Variants in PTPRN2 observed in about 807,000 individuals in gnomAD.
The protein encoded by PTPRN2 is protein tyrosine phosphatase receptor type N2.
In PTPRN2, 74 loss-of-function variants were observed where a neutral mutation model predicts 118.8. The ratio of observed to expected loss-of-function variants is 0.62; its 90% CI spans 0.52 to 0.76. PTPRN2 has a LOEUF of 0.76. Ranked by LOEUF, PTPRN2 falls within the 30% of genes least tolerant of loss-of-function variation. The probability of loss-of-function intolerance (pLI) is 0.00; values close to 1 mark genes in which losing one functional copy is unlikely to be tolerated. For synonymous variants in PTPRN2, 641 were observed against 608.0 expected, an observed-to-expected ratio of 1.05 and a Z score of -0.80; for missense variants, 1,481 against 1,394.4, an observed-to-expected ratio of 1.06 and a Z score of -0.99.
At chr7:158,088,161 G>C (rs368130177) in intron 10 of PTPRN2, among the ~76,000 whole-genome samples, 14 of 27,670 alleles carry the variant, frequency 5.1e-4, no homozygotes, top group Non-Finnish European at 1.6e-3. Context: ...CTTCCCCTGA[G>C]GAAAGAGGGA....
intron 11 of PTPRN2, among the ~76,000 whole-genome samples, chr7:157,921,527 G>A (rs1585019788): frequency 6.6e-6 from 1 of 152,244 alleles, no homozygotes; most frequent in Non-Finnish European, 1.5e-5. Flanking sequence ...TGGAGGTGGG[G>A]CCTTTAAGAG....
chr7:157,939,775 C>T (rs1799932656), intron 11 of PTPRN2, among the ~76,000 whole-genome samples: 1 of 152,154 alleles, frequency 6.6e-6, no homozygotes, highest in Non-Finnish European at 1.5e-5. Context: ...GTTGGTTTTG[C>T]TAGGCCCTTG....
intron 1 of PTPRN2, among the ~76,000 whole-genome samples, chr7:158,573,621 T>G (rs1828164620): frequency 2.0e-5 from 3 of 152,092 alleles, no homozygotes. Context: ...TGGGTCTGAA[T>G]GTCCTTATGT....
rs1053826357 is a variant in PTPRN2, at chr7:158,563,844, G to A, written c.112+23714C>T. 6.6e-6 allele frequency among the ~76,000 whole-genome samples: 1 copy of A among 152,186 alleles called. No individual in the cohort carries two copies. Among genetic ancestry groups the A allele is most frequent in the Admixed American group, 6.5e-5 (1 of 15,278 alleles). The stretch of plus-strand genomic sequence containing the variant: ...TAGGGAATGGTCTTTTCTGTTTATA[G>A]GATCTATGCATAGCATATATTTCTA... On this transcript the variant is annotated intron_variant, in intron 1 of 22. Transcript: ENST00000389418. The surrounding 1 kb of genome is among the most constrained non-coding windows in gnomAD (Gnocchi z 5.1).
At chr7:158,376,489 T>G (rs1385630746) in intron 2 of PTPRN2, among the ~76,000 whole-genome samples, 1,182 of 65,998 alleles carry the variant, frequency 0.018, no homozygotes, top group Middle Eastern at 0.054. Context: ...GGGGGGTCAG[T>G]GGACTCCCCT....
At chr7:158,224,592 T>G (rs1420436548) in intron 3 of PTPRN2, among the ~76,000 whole-genome samples, 1 of 152,112 alleles carries the variant, frequency 6.6e-6, no homozygotes, top group East Asian at 1.9e-4. Context: ...AAGCAACTCA[T>G]GGACATAAAT....
chr7:157,921,254 C>T (rs1798677483), intron 11 of PTPRN2, among the ~76,000 whole-genome samples: 1 of 152,134 alleles, frequency 6.6e-6, no homozygotes, highest in Non-Finnish European at 1.5e-5. Flanking sequence ...ATGATTCCAA[C>T]GCTAAGACGT....
chr7:157,816,772 G>A (rs2151129564), intron 12 of PTPRN2, among the ~76,000 whole-genome samples: 1 of 152,308 alleles, frequency 6.6e-6, no homozygotes, highest in African/African-American at 2.4e-5. Context: ...CTCTGCCCTG[G>A]CGTTGAGTGC....
intron 11 of PTPRN2, among the ~76,000 whole-genome samples, chr7:158,044,330 T>TG (rs1229520185): frequency 4.6e-5 from 7 of 151,702 alleles, no homozygotes; most frequent in Non-Finnish European, 5.9e-5. Context: ...GAGGCAGGGG[T>TG]GGGGGGCGTC....
At chr7:158,503,064 TC>T (rs1368128831) in intron 1 of PTPRN2, among the ~76,000 whole-genome samples, 7 of 151,544 alleles carry the variant, frequency 4.6e-5, no homozygotes, top group African/African-American at 1.5e-4. Context: ...ACTGTGTCCA[TC>T]AACTACTGTG....
intron 5 of PTPRN2, among the ~76,000 whole-genome samples, chr7:158,173,350 C>G (rs1432263417): frequency 6.6e-6 from 1 of 152,138 alleles, no homozygotes; most frequent in Non-Finnish European, 1.5e-5. Context: ...TACAGCTGGG[C>G]CTTCAGGGGT....
chr7:158,489,038 C>T (rs1022223669), intron 2 of PTPRN2, among the ~76,000 whole-genome samples: 1 of 152,246 alleles, frequency 6.6e-6, no homozygotes, highest in Non-Finnish European at 1.5e-5. Flanking sequence ...ACCCGCTGCT[C>T]GCCGTATTTC....
intron 3 of PTPRN2, among the ~76,000 whole-genome samples, chr7:158,233,573 G>T (rs921470721): frequency 5.3e-5 from 8 of 152,102 alleles, no homozygotes; most frequent in African/African-American, 1.9e-4. Flanking sequence ...AGACATCAGT[G>T]TAGTCCCTAT....
chr7:158,327,220 C>T (rs562788293), intron 2 of PTPRN2, among the ~76,000 whole-genome samples: 12 of 151,202 alleles, frequency 7.9e-5, no homozygotes, highest in African/African-American at 9.8e-5. Flanking sequence ...CAAACACACA[C>T]GTAAACATTC....
chr7:158,408,784 T>C (rs1813791484), intron 2 of PTPRN2, among the ~76,000 whole-genome samples: 1 of 152,170 alleles, frequency 6.6e-6, no homozygotes, highest in African/African-American at 2.4e-5. Flanking sequence ...GTTCACATTT[T>C]GATCAACGTC....
chr7:157,978,809 G>A (rs1302205084), intron 11 of PTPRN2, among the ~76,000 whole-genome samples: 3 of 152,056 alleles, frequency 2.0e-5, no homozygotes, highest in Non-Finnish European at 2.9e-5. Flanking sequence ...TGGTGAAGTC[G>A]GTCCTGGTTT....
intron 11 of PTPRN2, among the ~76,000 whole-genome samples, chr7:157,907,982 C>T (rs917269483): frequency 3.9e-5 from 6 of 152,228 alleles, no homozygotes; most frequent in African/African-American, 1.4e-4. Context: ...CCTGTCTGTC[C>T]CCCGTGACCC....
At chr7:157,870,396 T>A (rs1810978332) in intron 12 of PTPRN2, among the ~76,000 whole-genome samples, 1 of 152,210 alleles carries the variant, frequency 6.6e-6, no homozygotes, top group Non-Finnish European at 1.5e-5. Context: ...AGCTGCTGAT[T>A]TCTTTGGGGT....
chr7:158,123,995 C>T lies in PTPRN2; in HGVS notation c.1556+9682G>A, dbSNP rs557696401. On this transcript the variant is annotated intron_variant, in intron 9 of 22. Coordinates refer to ENST00000389418, the MANE Select transcript of PTPRN2 (RefSeq NM_002847.5). ...TCTGATTCAGCCTCAGATCCCGTGC[C>T]GACCCAGGCGGAGCTGGTTCTCTAA... 1.5e-4 allele frequency among the ~76,000 whole-genome samples: 23 copies of T among 151,592 alleles called. No individual in the cohort carries two copies. The South Asian group carries it at 3.4e-3, about 22-fold the overall frequency.
Sources: gnomAD v4.1 joint callset for allele counts (sites outside exome capture counted in the v4.1 genomes callset) on GRCh38, gnomAD v4.1.1 for gene constraint, Gnocchi (gnomAD v3.1) non-coding constraint, MANE v1.5 for transcripts, NCBI Gene and HGNC (gene_info 2026-07-23, HGNC 2026-07-21) for gene names.